The following RAPH1 variants were observed in gnomAD, a reference collection of about 807,000 sequenced individuals.
RAPH1 encodes ras-associated and pleckstrin homology domains-containing protein 1.
Under a neutral mutation model 88.1 loss-of-function variants are expected in RAPH1, and 18 were observed. The observed-to-expected ratio is 0.20, with a 90% confidence interval of 0.14 to 0.30. The LOEUF is 0.30. Ranked by LOEUF, RAPH1 falls within the 10% of genes least tolerant of loss-of-function variation. The probability of loss-of-function intolerance (pLI) is 1.00; values close to 1 mark genes in which losing one functional copy is unlikely to be tolerated. For missense variants in RAPH1, 1,448 were observed against 1,543.2 expected (o/e 0.94, Z 1.03); for synonymous variants, 587 against 559.0 (o/e 1.05, Z -0.71).
chr2:203,464,948 A>G (rs1424657319), intron 4 of RAPH1, among the ~76,000 whole-genome samples: 1 of 152,216 alleles, frequency 6.6e-6, no homozygotes, highest in African/African-American at 2.4e-5. Context: ...ATACCACTAC[A>G]CACCTATCAG....
Position 203,535,272 on chromosome 2 carries a change from G to GACTT in RAPH1, c.-163_-162insAAGT, listed in dbSNP as rs1690570783. ...CCGCGCGCTCAGTGACTGACTGACT[G>GACTT]ACTGACTGACTGACTGACTGACTGA... On this transcript the variant is annotated 5_prime_UTR_variant, in exon 1 of 14. Coordinates refer to ENST00000319170, the MANE Select transcript of RAPH1 (RefSeq NM_213589.3). The GACTT allele has an allele frequency of 6.7e-6, 1 of 149,860 alleles. No individual in the cohort carries two copies. Among genetic ancestry groups the GACTT allele is most frequent in the African/African-American group, 2.4e-5 (1 of 40,956 alleles). 9.3% of individuals were successfully genotyped at this position (149,860 alleles called of 1,614,324 possible).
At chr2:203,459,289 A>G (rs186568609) in intron 7 of RAPH1, among the ~76,000 whole-genome samples, 94 of 152,344 alleles carry the variant, frequency 6.2e-4, no homozygotes, top group Non-Finnish European at 1.0e-3. Context: ...TAACTATGCA[A>G]TATCTTTAAC....
At chr2:203,467,157 T>C (rs1209353672) in intron 4 of RAPH1, among the ~76,000 whole-genome samples, 1 of 152,226 alleles carries the variant, frequency 6.6e-6, no homozygotes, top group Non-Finnish European at 1.5e-5. Context: ...CAACTATAGC[T>C]GATCCTTGAA....
At chr2:203,466,356 A>C (rs1376876) in intron 4 of RAPH1, among the ~76,000 whole-genome samples, 16,073 of 152,228 alleles carry the variant, frequency 0.11, 1,727 homozygotes, top group African/African-American at 0.27. Context: ...TTTGTGTCTA[A>C]TGTATTTAAG....
At chr2:203,516,038 G>A (rs905146419) in intron 1 of RAPH1, among the ~76,000 whole-genome samples, 3 of 152,078 alleles carry the variant, frequency 2.0e-5, no homozygotes, top group South Asian at 2.1e-4. Flanking sequence ...ACGTGATTAC[G>A]TAAGCTTATG....
At chr2:203,511,259 T>C (rs1689329267) in intron 1 of RAPH1, among the ~76,000 whole-genome samples, 1 of 150,862 alleles carries the variant, frequency 6.6e-6, no homozygotes, top group Non-Finnish European at 1.5e-5. Flanking sequence ...AAGCTAAAGG[T>C]ACATTTCTTT....
chr2:203,450,097 T>C (rs986981858), intron 10 of RAPH1, among the ~76,000 whole-genome samples: 7 of 151,266 alleles, frequency 4.6e-5, no homozygotes, highest in Non-Finnish European at 1.0e-4. Flanking sequence ...TCCCCAATCA[T>C]AGTCATTTGT....
At chr2:203,449,516 C>CA (rs545377679) in intron 10 of RAPH1, among the ~76,000 whole-genome samples, 116 of 152,290 alleles carry the variant, frequency 7.6e-4, no homozygotes, top group Non-Finnish European at 1.3e-3. Flanking sequence ...ACTGACTGAA[C>CA]CTTGGCTACA....
At chr2:203,527,972 T>C (rs1690201468) in intron 1 of RAPH1, among the ~76,000 whole-genome samples, 1 of 152,062 alleles carries the variant, frequency 6.6e-6, no homozygotes, top group East Asian at 1.9e-4. Context: ...TGTTAACGGA[T>C]GTTGTTATTG....
intron 1 of RAPH1, among the ~76,000 whole-genome samples, chr2:203,511,895 A>G (rs1399688956): frequency 6.6e-6 from 1 of 152,096 alleles, no homozygotes; most frequent in Non-Finnish European, 1.5e-5. Context: ...GAGGATCACA[A>G]GGTCAAGAGA....
intron 13 of RAPH1, chr2:203,441,623 T>C: frequency 7.4e-7 from 1 of 1,345,756 alleles, no homozygotes. Context: ...GAAAACTTGT[T>C]TTACCCCACA....
intron 4 of RAPH1, among the ~76,000 whole-genome samples, chr2:203,466,768 G>A (rs1180879681): frequency 1.3e-5 from 2 of 152,124 alleles, no homozygotes; most frequent in African/African-American, 2.4e-5. Context: ...ACTCCTATGT[G>A]GCTATCAATA....
chr2:203,461,228 T>G, intron 6 of RAPH1, 21 bp downstream of exon 6: 1 of 1,490,472 alleles, frequency 6.7e-7, no homozygotes, highest in South Asian at 1.4e-5. Context: ...AGAAAGCAAT[T>G]AAAGCAATGA....
intron 10 of RAPH1, among the ~76,000 whole-genome samples, chr2:203,453,746 CAA>C (rs1298791115): frequency 3.3e-5 from 5 of 151,644 alleles, no homozygotes; most frequent in Non-Finnish European, 7.4e-5. Flanking sequence ...CAAGAAATTA[CAA>C]AGATGGAGCC....
intron 1 of RAPH1, among the ~76,000 whole-genome samples, chr2:203,501,813 A>AT (rs1688749227): frequency 9.3e-6 from 1 of 108,092 alleles, no homozygotes; most frequent in African/African-American, 3.5e-5. Flanking sequence ...GCTAAGCATT[A>AT]TGAAAAAAAA....
chr2:203,485,410 CAAAA>C (rs71007521), intron 4 of RAPH1, among the ~76,000 whole-genome samples: 6 of 93,478 alleles, frequency 6.4e-5, no homozygotes, highest in Admixed American at 1.1e-4. Context: ...GACTCTGTCT[CAAAA>C]AAAAAAAAAA....
intron 1 of RAPH1, among the ~76,000 whole-genome samples, chr2:203,524,780 T>C (rs187726613): frequency 6.0e-4 from 92 of 152,306 alleles, no homozygotes; most frequent in African/African-American, 1.9e-3. Flanking sequence ...TGTTCAGTTT[T>C]GATTACAGTG....
intron 4 of RAPH1, among the ~76,000 whole-genome samples, chr2:203,476,624 G>A (rs1687467492): frequency 6.6e-6 from 1 of 152,118 alleles, no homozygotes; most frequent in East Asian, 1.9e-4. Flanking sequence ...CACCTCTGAA[G>A]CATCCAGATT....
At chr2:203,473,783 ATTTTC>A (rs1321243025) in intron 4 of RAPH1, among the ~76,000 whole-genome samples, 3 of 152,020 alleles carry the variant, frequency 2.0e-5, no homozygotes, top group East Asian at 1.9e-4. Context: ...GCCTTCTTAT[ATTTTC>A]TTTTATTTAC....
Sources: allele counts gnomAD v4.1 joint callset (sites outside exome capture counted in the v4.1 genomes callset), GRCh38; gene constraint gnomAD v4.1.1; transcripts MANE v1.5; gene names NCBI Gene and HGNC (gene_info 2026-07-23, HGNC 2026-07-21).